Variants in EPS8 observed in about 807,000 individuals in gnomAD.
The protein encoded by EPS8 is EGFR pathway substrate 8, signaling adaptor.
Under a neutral mutation model 103.8 loss-of-function variants are expected in EPS8, and 42 were observed. That is an observed-to-expected ratio of 0.40 (90% CI 0.32 to 0.52). EPS8 has a LOEUF of 0.52. EPS8 is among the 20% of genes least tolerant of loss of function. EPS8 has a pLI of 0.40. For synonymous variants in EPS8, 344 were observed against 344.6 expected (o/e 1.00, Z 0.02); for missense variants, 969 against 1,005.1 (o/e 0.96, Z 0.49).
chr12:15,704,847 G>C lies in EPS8; in HGVS notation c.-21-21875C>G, dbSNP rs1341684084. On this transcript the variant is annotated intron_variant, in intron 1 of 20. Transcript: ENST00000281172. The surrounding 1 kb of genome is among the most constrained non-coding windows in gnomAD (Gnocchi z 4.6). ...TGTAAGGCAAAGACTAGATCTTATTGTAGCTGCCTCTGTTATGGGGATGTA... is the reference window on the plus strand; with the variant it reads ...TGTAAGGCAAAGACTAGATCTTATTCTAGCTGCCTCTGTTATGGGGATGTA... Among the ~76,000 whole-genome samples the C allele has an allele frequency of 4.6e-5, 7 of 152,160 alleles. No individual in the cohort carries two copies. Among genetic ancestry groups the C allele is most frequent in the Non-Finnish European group, 7.4e-5 (5 of 68,010 alleles).
At chr12:15,621,550 C>G (rs1404238985) in intron 20 of EPS8, 120 bp from the exon 21 acceptor site, 1 of 587,524 alleles carries the variant, frequency 1.7e-6, no homozygotes, top group Non-Finnish European at 3.0e-6. Context: ...TTTAGGAAAG[C>G]TAACAGCTCT....
At chr12:15,758,884 T>C (rs1947014200) in intron 1 of EPS8, among the ~76,000 whole-genome samples, 1 of 152,220 alleles carries the variant, frequency 6.6e-6, no homozygotes, top group South Asian at 2.1e-4. Flanking sequence ...GAAATATACA[T>C]ACATGTATAC....
intron 1 of EPS8, among the ~76,000 whole-genome samples, chr12:15,754,483 A>T: frequency 6.6e-6 from 1 of 152,182 alleles, no homozygotes; most frequent in Non-Finnish European, 1.5e-5. Flanking sequence ...TTAGTAGCTG[A>T]TCTGAGGATT....
chr12:15,640,898 C>A, intron 16 of EPS8, 52 bp from the exon 17 acceptor site: 4 of 1,565,822 alleles, frequency 2.6e-6, no homozygotes, highest in Non-Finnish European at 3.5e-6. Context: ...AGCCATTCTA[C>A]GAAAGAAGTT....
Position 15,659,947 on chromosome 12 carries a change from T to C in EPS8, c.937+667A>G, listed in dbSNP as rs188585836. On this transcript the variant is annotated intron_variant, in intron 10 of 20. Transcript: ENST00000281172. ...GTCAACCCTTTTATTTAACAAATAA[T>C]ATGGTTCTAGTTTACAACAGAATAA... Among the ~76,000 whole-genome samples, 565 of 152,324 alleles carry C rather than the reference T, an allele frequency of 3.7e-3. 1 individual carries two copies. The highest frequency in any genetic ancestry group is 0.014 in the Middle Eastern group (4 of 294).
chr12:15,665,393 G>A (rs922727525), intron 8 of EPS8: 3 of 200,056 alleles, frequency 1.5e-5, no homozygotes, highest in Non-Finnish European at 2.0e-5. Flanking sequence ...GTGCAATGGC[G>A]TGATCTCAGC....
chr12:15,713,800 T>G lies in EPS8; in HGVS notation c.-21-30828A>C, dbSNP rs1249089318. 6.6e-6 allele frequency among the ~76,000 whole-genome samples: 1 copy of G among 152,196 alleles called. No individual in the cohort carries two copies. The highest frequency in any genetic ancestry group is 1.5e-5 in the Non-Finnish European group (1 of 68,044). The stretch of plus-strand genomic sequence containing the variant: ...AATTCACTCATAGTCATATTAAGAC[T>G]TAAGAGAGCTTGTCTCTGAGAATCT... On this transcript the variant is annotated intron_variant, in intron 1 of 20. Coordinates refer to ENST00000281172, the MANE Select transcript of EPS8 (RefSeq NM_004447.6). This position sits in a 1 kb window ranked among gnomAD's most constrained non-coding sequence, Gnocchi z 4.8.
chr12:15,718,547 C>CAT (rs1293315740), intron 1 of EPS8, among the ~76,000 whole-genome samples: 2 of 152,146 alleles, frequency 1.3e-5, no homozygotes, highest in Non-Finnish European at 2.9e-5. Context: ...AAGCTTTTGG[C>CAT]ATGTAGTATC....
intron 3 of EPS8, among the ~76,000 whole-genome samples, chr12:15,678,801 C>T (rs1444063779): frequency 6.6e-6 from 1 of 150,670 alleles, no homozygotes; most frequent in East Asian, 2.0e-4. Context: ...ATAGTCCCTG[C>T]TACTCTGGAG....
At position 15,778,316 on chromosome 12, in the gene EPS8, T is replaced by C. The variant is rs1382944330; in HGVS notation, c.-22+10845A>G. 2.0e-5 allele frequency among the ~76,000 whole-genome samples: 3 copies of C among 152,204 alleles called. No homozygotes were observed. The highest frequency in any genetic ancestry group is 4.4e-5 in the Non-Finnish European group (3 of 68,022). ...CACACCTTTGCATGCATGAGTATCA[T>C]GTGAATAATGCTACAAGTATTGGAC... On this transcript the variant is annotated intron_variant, in intron 1 of 20. Coordinates refer to ENST00000281172, the MANE Select transcript of EPS8 (RefSeq NM_004447.6). The surrounding 1 kb of genome is among the most constrained non-coding windows in gnomAD (Gnocchi z 4.5).
At position 15,684,229 on chromosome 12, in the gene EPS8, C is replaced by G. The variant is rs930422343; in HGVS notation, c.-21-1257G>C. 6.6e-6 allele frequency: 1 copy of G among 152,158 alleles called. No homozygotes were observed. The highest frequency in any genetic ancestry group is 1.5e-5 in the Non-Finnish European group (1 of 68,028). 9.4% of individuals were successfully genotyped at this position (152,158 alleles called of 1,614,324 possible). On this transcript the variant is annotated intron_variant, in intron 1 of 20. Transcript: ENST00000281172. The surrounding 1 kb of genome is among the most constrained non-coding windows in gnomAD (Gnocchi z 4.9). ...AATAATATTCAAGATCTGGTCACTT[C>G]GAGTTAATTCTGTCTCATTCTTCAG...
chr12:15,734,688 C>T lies in EPS8; in HGVS notation c.-21-51716G>A, dbSNP rs549385310. 2.0e-5 allele frequency among the ~76,000 whole-genome samples: 3 copies of T among 151,756 alleles called. No individual in the cohort carries two copies. The highest frequency in any genetic ancestry group is 4.4e-5 in the Non-Finnish European group (3 of 67,922). ...CAGCCTGGGCGACAGAGCGAGACTC[C>T]GTACAGAGCGAGACTCTGTCTCAAA... On this transcript the variant is annotated intron_variant, in intron 1 of 20. Coordinates refer to ENST00000281172, the MANE Select transcript of EPS8 (RefSeq NM_004447.6). The surrounding 1 kb of genome is among the most constrained non-coding windows in gnomAD (Gnocchi z 4.1).
At chr12:15,644,335 T>C (rs1043282511) in intron 15 of EPS8, among the ~76,000 whole-genome samples, 4 of 152,228 alleles carry the variant, frequency 2.6e-5, no homozygotes, top group African/African-American at 4.8e-5. Flanking sequence ...GGAGTCTCTC[T>C]GAATCTGCTG....
chr12:15,771,418 A>G lies in EPS8; in HGVS notation c.-22+17743T>C, dbSNP rs1947152915. Among the ~76,000 whole-genome samples, 1 of 152,222 alleles carries G rather than the reference A, an allele frequency of 6.6e-6. No homozygotes were observed. Among genetic ancestry groups the G allele is most frequent in the Non-Finnish European group, 1.5e-5 (1 of 68,046 alleles). Reference sequence around the variant, plus strand: ...GACATCATCTGAACTCAGCTTTAGCAAGACTGATCTGAAAGTAGTAATTAA... The same window carrying G: ...GACATCATCTGAACTCAGCTTTAGCGAGACTGATCTGAAAGTAGTAATTAA... On this transcript the variant is annotated intron_variant, in intron 1 of 20. Coordinates refer to ENST00000281172, the MANE Select transcript of EPS8 (RefSeq NM_004447.6). The surrounding 1 kb of genome is among the most constrained non-coding windows in gnomAD (Gnocchi z 4.6).
At chr12:15,782,706 T>C (rs187758188) in intron 1 of EPS8, among the ~76,000 whole-genome samples, 14 of 152,226 alleles carry the variant, frequency 9.2e-5, no homozygotes, top group African/African-American at 2.6e-4. Context: ...ACACGATACA[T>C]AGTATCATTC....
chr12:15,746,779 C>G (rs976858262), intron 1 of EPS8, among the ~76,000 whole-genome samples: 1 of 152,106 alleles, frequency 6.6e-6, no homozygotes, highest in Non-Finnish European at 1.5e-5. Flanking sequence ...AACAACAAAT[C>G]TCTTATCCTG....
intron 1 of EPS8, among the ~76,000 whole-genome samples, chr12:15,743,424 T>C (rs1185838081): frequency 1.3e-5 from 2 of 152,178 alleles, no homozygotes. Context: ...TTAAAGTTCA[T>C]ATGGAACCAG....
intron 1 of EPS8, among the ~76,000 whole-genome samples, chr12:15,737,827 C>T (rs1038527777): frequency 6.6e-6 from 1 of 151,904 alleles, no homozygotes; most frequent in African/African-American, 2.4e-5. Flanking sequence ...CCCGCGACAC[C>T]AATTATTTTC....
At chr12:15,654,839 C>A (rs866378169) in intron 12 of EPS8, among the ~76,000 whole-genome samples, 3 of 152,184 alleles carry the variant, frequency 2.0e-5, no homozygotes, top group Non-Finnish European at 2.9e-5. Flanking sequence ...TACTTTTCCC[C>A]AGAATTATTT....
Sources: gnomAD v4.1 joint callset for allele counts (sites outside exome capture counted in the v4.1 genomes callset) on GRCh38, gnomAD v4.1.1 for gene constraint, Gnocchi (gnomAD v3.1) non-coding constraint, MANE v1.5 for transcripts, NCBI Gene and HGNC (gene_info 2026-07-23, HGNC 2026-07-21) for gene names.